CSF2RA: variants seen among roughly 807,000 people sequenced by gnomAD.
The protein encoded by CSF2RA is granulocyte-macrophage colony-stimulating factor receptor subunit alpha.
In CSF2RA, 42 loss-of-function variants were observed where a neutral mutation model predicts 51.6. That is an observed-to-expected ratio of 0.81 (90% CI 0.64 to 1.05). The LOEUF is 1.05. Among genes scored for constraint, CSF2RA ranks in the 50% least tolerant of loss-of-function variants. The pLI is 0.00. For synonymous variants in CSF2RA, 222 were observed against 193.0 expected (o/e 1.15, Z -1.24); for missense variants, 530 against 501.1 (o/e 1.06, Z -0.55).
intron 2 of CSF2RA, among the ~76,000 whole-genome samples, chrX:1,277,976 CAAA>C (rs1329295237): frequency 2.9e-5 from 3 of 105,036 alleles, no homozygotes; most frequent in East Asian, 2.8e-4. Flanking sequence ...GACTCAGTCT[CAAA>C]AAAAAAAAAA....
chrX:1,322,066 T>C, the CSF2RA span, among the ~76,000 whole-genome samples: 3 of 150,762 alleles, frequency 2.0e-5, no homozygotes, highest in African/African-American at 7.3e-5. Context: ...TCCCAGGATT[T>C]CAGGACCAGC....
chrX:1,306,348 A>C (rs1412337594), intron 12 of CSF2RA, among the ~76,000 whole-genome samples: 1 of 151,812 alleles, frequency 6.6e-6, no homozygotes, highest in Non-Finnish European at 1.5e-5. Flanking sequence ...AACAACAAAC[A>C]TAAAGACCCA....
intron 9 of CSF2RA, 42 bp downstream of exon 9, chrX:1,295,498 C>A (rs1420095476): frequency 3.2e-6 from 5 of 1,559,772 alleles, no homozygotes; most frequent in Admixed American, 1.7e-5. Flanking sequence ...CTCAGCGTAA[C>A]CCTACGGTCC....
intron 4 of CSF2RA, among the ~76,000 whole-genome samples, chrX:1,287,386 T>G (rs1157740068): frequency 1.3e-5 from 2 of 150,416 alleles, no homozygotes; most frequent in African/African-American, 2.5e-5. Flanking sequence ...ACTCCTGACC[T>G]CGTGATCCAC....
At position 1,309,499 on chromosome X, in the gene CSF2RA, T is replaced by C; in HGVS notation, c.*20T>C. The stretch of plus-strand genomic sequence containing the variant: ...ACCTGAGACCCAGAGGGTGTAGGAA[T>C]GGCATGGACATCTCCGCCTCCGCGA... On this transcript the variant is annotated 3_prime_UTR_variant, in exon 13 of 13. Coordinates refer to ENST00000381529, the MANE Select transcript of CSF2RA (RefSeq NM_172245.4). 2.5e-6 allele frequency: 4 copies of C among 1,613,990 alleles called. No individual in the cohort carries two copies. Among genetic ancestry groups the C allele is most frequent in the Non-Finnish European group, 3.4e-6 (4 of 1,179,856 alleles).
intron 12 of CSF2RA, 161 bp downstream of exon 12, chrX:1,305,688 C>G (rs748091844): frequency 1.9e-6 from 3 of 1,571,002 alleles, no homozygotes; most frequent in Admixed American, 3.8e-5. Flanking sequence ...TGGGCCTTCT[C>G]CCGGGTCGGG....
At chrX:1,275,849 C>A (rs1468807935) in intron 2 of CSF2RA, among the ~76,000 whole-genome samples, 1 of 152,074 alleles carries the variant, frequency 6.6e-6, no homozygotes, top group Non-Finnish European at 1.5e-5. Flanking sequence ...CCCGCCACCA[C>A]GCCCGGCCAA....
chrX:1,290,920 G>A (rs2091336036), intron 7 of CSF2RA, among the ~76,000 whole-genome samples: 1 of 151,950 alleles, frequency 6.6e-6, no homozygotes, highest in African/African-American at 2.4e-5. Context: ...GAACTGAGCT[G>A]ATTTAACTTT....
Position 1,303,944 on chromosome X carries a change from G to A in CSF2RA, c.968G>A (p.Gly323Asp). Residue 323 changes from glycine (G) to aspartate (D), a missense_variant, in exon 11 of 13, where the codon GGC becomes GAC. By Grantham distance (94) the Gly-to-Asp change is moderately conservative. Coordinates refer to ENST00000381529, the MANE Select transcript of CSF2RA (RefSeq NM_172245.4). ...CCAGGTTCTGACGACGGGAACCTCGGCTCTGTGTACATTTATGTGCTCCTA... is the reference window on the plus strand; with the variant it reads ...CCAGGTTCTGACGACGGGAACCTCGACTCTGTGTACATTTATGTGCTCCTA... ...IEFGSDDGNL[G>D]SVYIYVLLIV... 1 of 1,613,482 alleles carries A rather than the reference G, an allele frequency of 6.2e-7. No homozygotes were observed. Among genetic ancestry groups the A allele is most frequent in the Non-Finnish European group, 8.5e-7 (1 of 1,179,804 alleles).
At chrX:1,269,602 A>G (rs1187020149) in intron 1 of CSF2RA, among the ~76,000 whole-genome samples, 2 of 149,028 alleles carry the variant, frequency 1.3e-5, no homozygotes, top group Non-Finnish European at 3.0e-5. Flanking sequence ...CAGCCTGGGC[A>G]ACAAGACGAG....
chrX:1,285,630 GCTTGCA>G, intron 3 of CSF2RA, 142 bp from the exon 4 acceptor site: 1 of 43,600 alleles, frequency 2.3e-5, no homozygotes, highest in East Asian at 2.8e-3. Flanking sequence ...GGGTGGTGGA[GCTTGCA>G]GCTTGCAGTG....
At chrX:1,323,124 G>A in the CSF2RA span, among the ~76,000 whole-genome samples, 8 of 97,956 alleles carry the variant, frequency 8.2e-5, no homozygotes, top group Admixed American at 1.2e-4. Context: ...GCGAGATTCC[G>A]TCTCAAAAAA....
At chrX:1,306,766 AAG>A (rs1338067750) in intron 12 of CSF2RA, among the ~76,000 whole-genome samples, 22 of 150,992 alleles carry the variant, frequency 1.5e-4, no homozygotes, top group Admixed American at 4.6e-4. Flanking sequence ...GACACAGAAA[AAG>A]AGAGAGAGAG....
intron 1 of CSF2RA, among the ~76,000 whole-genome samples, chrX:1,270,374 G>C (rs1297437487): frequency 6.6e-6 from 1 of 151,898 alleles, no homozygotes; most frequent in South Asian, 2.1e-4. Flanking sequence ...CGAGTAGCTG[G>C]GTCAAAGGCA....
At chrX:1,277,261 G>A (rs189216944) in intron 2 of CSF2RA, among the ~76,000 whole-genome samples, 7 of 151,996 alleles carry the variant, frequency 4.6e-5, no homozygotes, top group African/African-American at 1.4e-4. Flanking sequence ...AAAGGGGTTC[G>A]GATCCAGCCC....
At chrX:1,305,924 T>C in intron 12 of CSF2RA, 1 of 785,774 alleles carries the variant, frequency 1.3e-6, no homozygotes, top group African/African-American at 1.7e-5. Context: ...CTGCTAAAAA[T>C]ACAAAAAATT....
At chrX:1,283,143 C>CTTCG (rs1340660258) in intron 3 of CSF2RA, among the ~76,000 whole-genome samples, 5 of 91,526 alleles carry the variant, frequency 5.5e-5, no homozygotes, top group African/African-American at 1.8e-4. Context: ...TCCTTCCTTC[C>CTTCG]TTCCTTCCTT....
rs1251863879 is a variant in CSF2RA, at chrX:1,288,511, T to A, written c.220-8T>A. On this transcript the variant is annotated splice_region_variant and splice_polypyrimidine_tract_variant and intron_variant, in intron 4 of 12. Transcript: ENST00000381529. ...CCTAATCGGCTCTGTCTGGTTGCAA[T>A]TCTTCAGCTCAGTAACAACGAATGT... 6.2e-7 allele frequency: 1 copy of A among 1,613,820 alleles called. No homozygotes were observed. The highest frequency in any genetic ancestry group is 1.3e-5 in the African/African-American group (1 of 74,924).
intron 9 of CSF2RA, among the ~76,000 whole-genome samples, chrX:1,300,082 G>T (rs375960441): frequency 5.7e-4 from 86 of 152,120 alleles, no homozygotes; most frequent in African/African-American, 2.0e-3. Context: ...AGCCGGGCGT[G>T]GTGGTGGGCA....
Sources: gnomAD v4.1 joint callset for allele counts (sites outside exome capture counted in the v4.1 genomes callset) on GRCh38, gnomAD v4.1.1 for gene constraint, MANE v1.5 for transcripts, NCBI Gene and HGNC (gene_info 2026-07-23, HGNC 2026-07-21) for gene names.